Variants in TIAM1 observed in about 807,000 individuals in gnomAD.
TIAM1 encodes the protein rho guanine nucleotide exchange factor TIAM1.
Under a neutral mutation model 163.5 loss-of-function variants are expected in TIAM1, and 65 were observed. The ratio of observed to expected loss-of-function variants is 0.40; its 90% CI spans 0.33 to 0.49. The LOEUF is 0.49. TIAM1 is among the 20% of genes least tolerant of loss of function. The probability of loss-of-function intolerance (pLI) is 0.77; values close to 1 mark genes in which losing one functional copy is unlikely to be tolerated. For synonymous variants in TIAM1, 833 were observed against 810.1 expected (o/e 1.03, Z -0.48); for missense variants, 1,789 against 2,044.7 (o/e 0.87, Z 2.41).
chr21:31,462,777 C>A (rs1178271998), intron 2 of TIAM1, among the ~76,000 whole-genome samples: 1 of 146,822 alleles, frequency 6.8e-6, no homozygotes, highest in Non-Finnish European at 1.5e-5. Flanking sequence ...AAGTCTCACT[C>A]TATTGACCAG....
intron 2 of TIAM1, among the ~76,000 whole-genome samples, chr21:31,393,049 G>A (rs1007378025): frequency 2.0e-5 from 3 of 151,432 alleles, no homozygotes; most frequent in Admixed American, 6.6e-5. Context: ...TCCCCCTCCT[G>A]GGCGCAAGCA....
rs538551237 is a variant in TIAM1, at chr21:31,198,098, G to A, written c.2494-2793C>T. Among the ~76,000 whole-genome samples, 8 of 152,260 alleles carry A rather than the reference G, an allele frequency of 5.3e-5. No individual in the cohort carries two copies. The East Asian group carries it at 1.4e-3, about 26-fold the overall frequency. On this transcript the variant is annotated intron_variant, in intron 12 of 27. Transcript: ENST00000541036. ...AAAATGAAAACCAATTTTGAGCCAA[G>A]GTCAATAACAAAAAACGTGGCCGTT...
chr21:31,236,866 G>T (rs906388560), intron 6 of TIAM1, among the ~76,000 whole-genome samples: 1 of 152,204 alleles, frequency 6.6e-6, no homozygotes, highest in African/African-American at 2.4e-5. Context: ...AGTAAGAACA[G>T]GGAGAATGGC....
intron 2 of TIAM1, among the ~76,000 whole-genome samples, chr21:31,383,290 A>G (rs112486766): frequency 1.5e-4 from 23 of 152,336 alleles, no homozygotes; most frequent in African/African-American, 4.3e-4. Flanking sequence ...AATACTTAAA[A>G]GAGTAAAGCT....
At chr21:31,286,956 G>T (rs1255938510) in intron 2 of TIAM1, among the ~76,000 whole-genome samples, 1 of 151,920 alleles carries the variant, frequency 6.6e-6, no homozygotes, top group Non-Finnish European at 1.5e-5. Flanking sequence ...AAAAAAAAAT[G>T]ACCTTAAGTT....
At chr21:31,181,808 G>T (rs1255774888) in intron 15 of TIAM1, among the ~76,000 whole-genome samples, 3 of 61,806 alleles carry the variant, frequency 4.9e-5, no homozygotes, top group East Asian at 8.9e-4. Context: ...TTTTTTTTAC[G>T]AGACAGGCCT....
intron 15 of TIAM1, among the ~76,000 whole-genome samples, chr21:31,172,790 C>G (rs769838629): frequency 6.6e-6 from 1 of 151,978 alleles, no homozygotes; most frequent in Non-Finnish European, 1.5e-5. Flanking sequence ...TCACTTGAGT[C>G]CAGGAGTTCA....
intron 2 of TIAM1, among the ~76,000 whole-genome samples, chr21:31,316,009 A>G (rs1569209093): frequency 6.6e-6 from 1 of 152,196 alleles, no homozygotes; most frequent in Non-Finnish European, 1.5e-5. Context: ...GGAGATCATC[A>G]ACCATGATGA....
At chr21:31,234,897 C>T (rs189078174) in intron 6 of TIAM1, among the ~76,000 whole-genome samples, 24 of 152,262 alleles carry the variant, frequency 1.6e-4, no homozygotes, top group African/African-American at 5.5e-4. Flanking sequence ...AAAACACAAA[C>T]ATGCTAATCA....
intron 2 of TIAM1, among the ~76,000 whole-genome samples, chr21:31,387,410 G>T (rs913511359): frequency 6.6e-6 from 1 of 151,368 alleles, no homozygotes; most frequent in African/African-American, 2.4e-5. Context: ...ATGGGGTTTC[G>T]CCATGTTGAC....
chr21:31,202,403 T>A (rs1601528571), intron 12 of TIAM1, among the ~76,000 whole-genome samples: 2 of 149,270 alleles, frequency 1.3e-5, no homozygotes, highest in Non-Finnish European at 3.0e-5. Flanking sequence ...AAAAAAAAAA[T>A]TAAAAAATAA....
intron 7 of TIAM1, 89 bp downstream of exon 7, chr21:31,225,637 T>C: frequency 9.2e-7 from 1 of 1,081,412 alleles, no homozygotes; most frequent in East Asian, 2.4e-5. Context: ...TCCGATGATG[T>C]TTCACGATTC....
chr21:31,285,629 G>A lies in TIAM1; in HGVS notation c.-188-8721C>T, dbSNP rs145997535. On this transcript the variant is annotated intron_variant, in intron 2 of 27. Transcript: ENST00000541036. ...AATCCCAGCACTTTGGGGGGCCAAG[G>A]TGGGTGGATAACTTGAGGTCAGGAG... 6.9e-3 allele frequency among the ~76,000 whole-genome samples: 1,055 copies of A among 152,312 alleles called. 12 individuals carry two copies. Among genetic ancestry groups the A allele is most frequent in the African/African-American group, 0.024 (1,004 of 41,568 alleles).
intron 14 of TIAM1, 145 bp downstream of exon 14, chr21:31,186,856 A>G (rs891836143): frequency 1.4e-6 from 1 of 718,434 alleles, no homozygotes; most frequent in South Asian, 1.8e-5. Flanking sequence ...AATAAAATGC[A>G]TATTCCCTGG....
At chr21:31,225,987 C>A in intron 6 of TIAM1, 37 bp from the exon 7 acceptor site, 2 of 1,574,796 alleles carry the variant, frequency 1.3e-6, no homozygotes, top group South Asian at 1.1e-5. Flanking sequence ...AAAAAGGCAC[C>A]TCTTAGGAAC....
intron 1 of TIAM1, among the ~76,000 whole-genome samples, chr21:31,507,912 C>T (rs769918819): frequency 6.6e-6 from 1 of 152,224 alleles, no homozygotes; most frequent in Non-Finnish European, 1.5e-5. Context: ...GAACCTGTGA[C>T]TGTGACCCAA....
intron 20 of TIAM1, 89 bp downstream of exon 20, chr21:31,146,806 T>C: frequency 9.9e-7 from 1 of 1,008,164 alleles, no homozygotes; most frequent in Non-Finnish European, 1.5e-6. Flanking sequence ...CCAATGACTC[T>C]TAGATTTCTG....
At position 31,241,054 on chromosome 21, in the gene TIAM1, C is replaced by A. The variant is rs1455367316; in HGVS notation, c.1584+4434G>T. On this transcript the variant is annotated intron_variant, in intron 6 of 27. Transcript: ENST00000541036. ...GGGAGTTCCCCTGCACATGCTCTCT[C>A]TTGTCTGCTGCCATGTAAGAAGACT... 2.6e-5 allele frequency among the ~76,000 whole-genome samples: 4 copies of A among 152,340 alleles called. No homozygotes were observed. The East Asian group carries it at 7.7e-4, about 29-fold the overall frequency.
chr21:31,418,450 G>A (rs1181038977), intron 2 of TIAM1, among the ~76,000 whole-genome samples: 3 of 151,434 alleles, frequency 2.0e-5, no homozygotes, highest in Non-Finnish European at 4.4e-5. Flanking sequence ...TTAAACAGCT[G>A]CTGTTTTCAG....
Sources: allele counts gnomAD v4.1 joint callset (sites outside exome capture counted in the v4.1 genomes callset), GRCh38; gene constraint gnomAD v4.1.1; transcripts MANE v1.5; gene names NCBI Gene and HGNC (gene_info 2026-07-23, HGNC 2026-07-21).